The following HEPACAM variants were observed in gnomAD, a reference collection of about 807,000 sequenced individuals.
The protein encoded by HEPACAM is hepatic and glial cell adhesion molecule.
Under a neutral mutation model 38.3 loss-of-function variants are expected in HEPACAM, and 18 were observed. The ratio of observed to expected loss-of-function variants is 0.47; its 90% CI spans 0.33 to 0.70. The LOEUF (loss-of-function observed/expected upper bound fraction) is 0.70, where lower values mean the gene tolerates loss of function less well. Ranked by LOEUF, HEPACAM falls within the 30% of genes least tolerant of loss-of-function variation. The pLI, the probability that HEPACAM is intolerant of heterozygous loss-of-function variation, is 0.03. For synonymous variants in HEPACAM, 216 were observed against 243.1 expected, an observed-to-expected ratio of 0.89 and a Z score of 1.04; for missense variants, 466 against 563.0, an observed-to-expected ratio of 0.83 and a Z score of 1.74.
intron 1 of HEPACAM, among the ~76,000 whole-genome samples, chr11:124,931,607 A>G (rs1469463908): frequency 6.6e-6 from 1 of 152,224 alleles, no homozygotes; most frequent in Non-Finnish European, 1.5e-5. Flanking sequence ...AAACTCTCAT[A>G]CATGTTGATA....
chr11:124,921,572 G>T lies in HEPACAM; in HGVS notation c.949-132C>A. ...CTGCACGCCCACCTCCTGGAAGGCT[G>T]CAGACAGGTCTGGTTTTCCTGGCGA... is the stretch of plus-strand genomic sequence containing the variant. On this transcript the variant is annotated intron_variant, in intron 6 of 6. Transcript: ENST00000298251. The surrounding 1 kb of genome is among the most constrained non-coding windows in gnomAD (Gnocchi z 4.6). The T allele has an allele frequency of 2.0e-6, 1 of 499,764 alleles. No homozygotes were observed. The highest frequency in any genetic ancestry group is 3.1e-6 in the Non-Finnish European group (1 of 320,436). 31.0% of individuals were successfully genotyped at this position (499,764 alleles called of 1,614,324 possible).
Position 124,921,134 on chromosome 11 carries a change from C to A in HEPACAM, c.*4G>T, listed in dbSNP as rs1381027796. The A allele has an allele frequency of 1.3e-6, 2 of 1,525,234 alleles. No individual in the cohort carries two copies. Among genetic ancestry groups the A allele is most frequent in the East Asian group, 2.5e-5 (1 of 39,936 alleles). The allele number at this position is 1,525,234 out of a possible 1,614,324, so 94.5% of individuals were successfully genotyped here. On this transcript the variant is annotated 3_prime_UTR_variant, in exon 7 of 7. Transcript: ENST00000298251. This position sits in a 1 kb window ranked among gnomAD's most constrained non-coding sequence, Gnocchi z 4.6. ...GGGCGCCTCTCAGGGGATCCCGAGGCGGCTCAGGCGCTGATCTCCACCGGG... is the reference window on the plus strand; with the variant it reads ...GGGCGCCTCTCAGGGGATCCCGAGGAGGCTCAGGCGCTGATCTCCACCGGG...
chr11:124,928,752 C>G (rs952569967), intron 1 of HEPACAM, among the ~76,000 whole-genome samples: 3 of 152,184 alleles, frequency 2.0e-5, no homozygotes, highest in Admixed American at 2.0e-4. Flanking sequence ...GAAGCCCTCT[C>G]CCGACTTAAG....
intron 5 of HEPACAM, 44 bp downstream of exon 5, chr11:124,922,701 T>C (rs754011242): frequency 6.2e-7 from 1 of 1,614,214 alleles, no homozygotes; most frequent in Non-Finnish European, 8.5e-7. Context: ...AGCCCACTGA[T>C]CTGATTGTTG....
chr11:124,928,689 A>G (rs1379571160), intron 1 of HEPACAM, among the ~76,000 whole-genome samples: 2 of 152,204 alleles, frequency 1.3e-5, no homozygotes, highest in African/African-American at 4.8e-5. Flanking sequence ...GACTAATCAA[A>G]AAAAGAAACT....
Position 124,923,996 on chromosome 11 carries a change from G to A in HEPACAM, c.442C>T (p.Pro148Ser), listed in dbSNP as rs1555055028. The A allele has an allele frequency of 6.2e-7, 1 of 1,609,500 alleles. No individual in the cohort carries two copies. Among genetic ancestry groups the A allele is most frequent in the African/African-American group, 1.3e-5 (1 of 75,024 alleles). The change falls in exon 3 of 7, where the codon CCA becomes TCA. Residue 148 changes from proline to serine, a missense_variant. By Grantham distance (74) the Pro-to-Ser change is moderately conservative (BLOSUM62 -1). Coordinates refer to ENST00000298251, the MANE Select transcript of HEPACAM (RefSeq NM_152722.5). ...GTGGTTGAAGCCACCAACACCTGTG[G>A]CCTCGAAATGGGCACTGAGCCGCAG... ...NLTVDVPISR[P>S]QVLVASTTVL...
In HEPACAM at chr11:124,935,042, T is replaced by C. The variant is rs371329730; in HGVS notation, c.85+880A>G. Among the ~76,000 whole-genome samples, 33 of 152,248 alleles carry C rather than the reference T, an allele frequency of 2.2e-4. 1 individual carries two copies. The highest frequency in any genetic ancestry group is 7.7e-4 in the African/African-American group (32 of 41,522). ...ATTTCCCAACCCTAACACCCACTTA[T>C]ACTCCTACCTTTTTTCCCCATCTTT... On this transcript the variant is annotated intron_variant, in intron 1 of 6. Coordinates refer to ENST00000298251, the MANE Select transcript of HEPACAM (RefSeq NM_152722.5).
In HEPACAM at chr11:124,925,072, G is replaced by A. The variant is rs1156638571; in HGVS notation, c.86-3C>T. On this transcript the variant is annotated splice_region_variant and splice_polypyrimidine_tract_variant and intron_variant, in intron 1 of 6. Transcript: ENST00000298251. Reference sequence around the variant, plus strand: ...GATGTTCACCCCCTCCAGGGGGTCTGTGAACAGAGGCCCATGAGGAAGAGG... The same window carrying A: ...GATGTTCACCCCCTCCAGGGGGTCTATGAACAGAGGCCCATGAGGAAGAGG... The A allele has an allele frequency of 6.3e-7, 1 of 1,576,968 alleles. No individual in the cohort carries two copies. Among genetic ancestry groups the A allele is most frequent in the Non-Finnish European group, 8.6e-7 (1 of 1,159,252 alleles).
chr11:124,929,347 A>C (rs529709827), intron 1 of HEPACAM, among the ~76,000 whole-genome samples: 1 of 152,234 alleles, frequency 6.6e-6, no homozygotes, highest in Non-Finnish European at 1.5e-5. Context: ...ACACGTGTTC[A>C]TAAGTGAATG....
In HEPACAM at chr11:124,923,300, T is replaced by C. The variant is rs192078867; in HGVS notation, c.803+40A>G. ...AAAATAATGGGGCTTAGGTTTGGGA[T>C]GGATTGAAGGACTCAGGTGCTCAGG... On this transcript the variant is annotated intron_variant, in intron 4 of 6. Transcript: ENST00000298251. The C allele has an allele frequency of 3.1e-6, 4 of 1,280,698 alleles. No individual in the cohort carries two copies. The East Asian group carries it at 9.2e-5, about 30-fold the overall frequency. 79.3% of individuals were successfully genotyped at this position (1,280,698 alleles called of 1,614,324 possible).
At chr11:124,928,629 AC>A (rs1947246607) in intron 1 of HEPACAM, among the ~76,000 whole-genome samples, 1 of 152,086 alleles carries the variant, frequency 6.6e-6, no homozygotes, top group South Asian at 2.1e-4. Context: ...ATGCAAAGTC[AC>A]CCCTCTGCTC....
At position 124,924,938 on chromosome 11, in the gene HEPACAM, G is replaced by C. The variant is rs768471108; in HGVS notation, c.217C>G (p.Arg73Gly). The change falls in exon 2 of 7, where the codon CGG becomes GGG. Residue 73 changes from arginine to glycine, a missense_variant. Arg to Gly is a moderately radical substitution (Grantham distance 125). Transcript: ENST00000298251. The surrounding 1 kb of genome is among the most constrained non-coding windows in gnomAD (Gnocchi z 4.4). ...TGCACCACGGTCACTGGCTTGTCCCGCTTCAGCTGCCACTTCACTACAGGC... is the reference window on the plus strand; with the variant it reads ...TGCACCACGGTCACTGGCTTGTCCCCCTTCAGCTGCCACTTCACTACAGGC... ...DRPVVKWQLK[R>G]DKPVTVVQSI... 5 of 1,613,756 alleles carry C rather than the reference G, an allele frequency of 3.1e-6. No individual in the cohort carries two copies. Among genetic ancestry groups the C allele is most frequent in the Non-Finnish European group, 4.2e-6 (5 of 1,179,972 alleles).
rs778336381 is a variant in HEPACAM at position 124,924,834 on chromosome 11, C to G, written c.321G>C (p.Leu107=). ...CGGCCAGCTGCAGGTCGCTGAGAAG[C>G]AGGGAGCCATTTTCAAAGAGTCGGA... The part of the protein sequence containing the change: ...DRIRLFENGS[L]LLSDLQLADE... The change falls in exon 2 of 7, where the codon CTG becomes CTC. Residue 107 remains leucine, a synonymous_variant. Transcript: ENST00000298251. This position sits in a 1 kb window ranked among gnomAD's most constrained non-coding sequence, Gnocchi z 4.4. 1.7e-5 allele frequency: 28 copies of G among 1,614,064 alleles called. 1 individual carries two copies. The South Asian group carries it at 2.7e-4, about 16-fold the overall frequency.
At chr11:124,925,398 C>G (rs1471882338) in intron 1 of HEPACAM, among the ~76,000 whole-genome samples, 5 of 152,224 alleles carry the variant, frequency 3.3e-5, no homozygotes, top group Admixed American at 1.3e-4. Flanking sequence ...TATTGAACAT[C>G]TCCTATCTGC....
Position 124,920,936 on chromosome 11 carries a change from C to A in HEPACAM, c.*202G>T. 1 of 1,352,878 alleles carries A rather than the reference C, an allele frequency of 7.4e-7. No individual in the cohort carries two copies. The highest frequency in any genetic ancestry group is 9.5e-7 in the Non-Finnish European group (1 of 1,055,916). 83.8% of individuals were successfully genotyped at this position (1,352,878 alleles called of 1,614,324 possible). A position where few individuals can be genotyped will look rare whatever the true frequency, so the allele number is the denominator to read the frequency against. On this transcript the variant is annotated 3_prime_UTR_variant, in exon 7 of 7. Coordinates refer to ENST00000298251, the MANE Select transcript of HEPACAM (RefSeq NM_152722.5). ...CAGTAAACCGGAAGCAAATGCGACC[C>A]GGTTTCACCATATCAACACTGCCGC...
In HEPACAM at chr11:124,924,120, A is replaced by G. The variant is rs922394366; in HGVS notation, c.428-110T>C. ...ACCTTTAACACTACCTTCCAACTCA[A>G]TCTGTGGGCTGAGAAGACTTCAGAC... On this transcript the variant is annotated intron_variant, in intron 2 of 6. Coordinates refer to ENST00000298251, the MANE Select transcript of HEPACAM (RefSeq NM_152722.5). The surrounding 1 kb of genome is among the most constrained non-coding windows in gnomAD (Gnocchi z 4.4). The G allele has an allele frequency of 1.2e-5, 13 of 1,045,488 alleles. No individual in the cohort carries two copies. The Admixed American group carries it at 2.4e-4, about 19-fold the overall frequency. The allele number at this position is 1,045,488 out of a possible 1,614,324, so 64.8% of individuals were successfully genotyped here.
intron 6 of HEPACAM, 122 bp downstream of exon 6, chr11:124,922,266 G>C (rs754803875): frequency 2.4e-5 from 26 of 1,083,348 alleles, no homozygotes; most frequent in Admixed American, 2.0e-4. Flanking sequence ...ACCAGTCCCT[G>C]GTGCCAAAAC....
intron 1 of HEPACAM, among the ~76,000 whole-genome samples, chr11:124,926,495 G>A (rs1947211121): frequency 6.6e-6 from 1 of 152,146 alleles, no homozygotes; most frequent in African/African-American, 2.4e-5. Context: ...GGGCATTTCA[G>A]AGACCTCTTA....
Position 124,919,661 on chromosome 11 carries a change from A to T in HEPACAM, c.*1477T>A. 1 of 1,417,406 alleles carries T rather than the reference A, an allele frequency of 7.1e-7. No homozygotes were observed. The highest frequency in any genetic ancestry group is 9.7e-7 in the Non-Finnish European group (1 of 1,036,260). The allele number at this position is 1,417,406 out of a possible 1,614,324, so 87.8% of individuals were successfully genotyped here. On this transcript the variant is annotated 3_prime_UTR_variant, in exon 7 of 7. Coordinates refer to ENST00000298251, the MANE Select transcript of HEPACAM (RefSeq NM_152722.5). ...GTGCCGAGGGACAGGGAGCTGAGAC[A>T]GGCATGCTGTGGGGTTCAGGGCAGA...
Sources: allele counts gnomAD v4.1 joint callset (sites outside exome capture counted in the v4.1 genomes callset), GRCh38; gene constraint gnomAD v4.1.1; non-coding constraint Gnocchi (gnomAD v3.1); transcripts MANE v1.5; gene names NCBI Gene and HGNC (gene_info 2026-07-23, HGNC 2026-07-21).